The following ADARB2 variants were observed in gnomAD, a reference collection of about 807,000 sequenced individuals.
The protein encoded by ADARB2 is adenosine deaminase RNA specific B2 (inactive).
Under a neutral mutation model 62.2 loss-of-function variants are expected in ADARB2, and 25 were observed. The observed-to-expected ratio is 0.40, with a 90% CI of 0.29 to 0.56. ADARB2 has a LOEUF of 0.56. Among genes scored for constraint, ADARB2 ranks in the 20% least tolerant of loss-of-function variants. The probability of loss-of-function intolerance (pLI) is 0.43; values close to 1 mark genes in which losing one functional copy is unlikely to be tolerated. For missense variants in ADARB2, 1,071 were observed against 1,077.4 expected (o/e 0.99, Z 0.08); for synonymous variants, 572 against 500.8 (o/e 1.14, Z -1.90).
At chr10:1,494,063 A>C (rs868153629) in intron 1 of ADARB2, among the ~76,000 whole-genome samples, 2 of 152,250 alleles carry the variant, frequency 1.3e-5, no homozygotes, top group South Asian at 2.1e-4. Context: ...ATAATAGGGC[A>C]TTCTTATGCC....
At chr10:1,367,149 T>A (rs747302229) in intron 2 of ADARB2, among the ~76,000 whole-genome samples, 6 of 152,190 alleles carry the variant, frequency 3.9e-5, no homozygotes, top group African/African-American at 7.2e-5. Context: ...TTGCGAGGTA[T>A]CCTGACATTG....
chr10:1,230,978 A>T (rs1271373403), intron 6 of ADARB2, among the ~76,000 whole-genome samples: 1 of 152,204 alleles, frequency 6.6e-6, no homozygotes, highest in African/African-American at 2.4e-5. Context: ...GCCTCGGAGA[A>T]CGTATTTGTT....
chr10:1,579,689 A>G (rs1226438572), intron 1 of ADARB2, among the ~76,000 whole-genome samples: 1 of 152,260 alleles, frequency 6.6e-6, no homozygotes, highest in Non-Finnish European at 1.5e-5. Flanking sequence ...TAAATATGCT[A>G]GTTTATCATG....
At chr10:1,559,044 C>T (rs562833179) in intron 1 of ADARB2, among the ~76,000 whole-genome samples, 1 of 152,338 alleles carries the variant, frequency 6.6e-6, no homozygotes, top group Admixed American at 6.5e-5. Flanking sequence ...GTCTCTCAAT[C>T]GCATCCCCAG....
chr10:1,299,376 A>G (rs894350912), intron 3 of ADARB2, among the ~76,000 whole-genome samples: 3 of 152,144 alleles, frequency 2.0e-5, no homozygotes, highest in Non-Finnish European at 2.9e-5. Context: ...CTCACATGTC[A>G]GCAGGGGTGT....
chr10:1,658,244 A>C, intron 1 of ADARB2, among the ~76,000 whole-genome samples: 1 of 138,582 alleles, frequency 7.2e-6, no homozygotes, highest in South Asian at 2.3e-4. Flanking sequence ...CTCTCTCTGT[A>C]TGTCTCTCTG....
chr10:1,635,428 C>G (rs1218732976), intron 1 of ADARB2, among the ~76,000 whole-genome samples: 2 of 152,192 alleles, frequency 1.3e-5, no homozygotes, highest in Non-Finnish European at 2.9e-5. Flanking sequence ...GCCTTGAGAC[C>G]ACAGCGCTGT....
rs11250430 is a variant in ADARB2, at chr10:1,340,673, G to A, written c.1077+22355C>T. 7.6e-3 allele frequency among the ~76,000 whole-genome samples: 103 copies of A among 13,562 alleles called. 30 individuals carry two copies. Among genetic ancestry groups the A allele is most frequent in the East Asian group, 0.047 (5 of 106 alleles). 8.9% of individuals were successfully genotyped at this position (13,562 alleles called of 152,430 possible). On this transcript the variant is annotated intron_variant, in intron 3 of 9. Transcript: ENST00000381312. Reference sequence around the variant, plus strand: ...TAACCGGCATCCACCAGAGAACCACGTGCCCCACAGTGGCAATAACCGGCA... The same window carrying A: ...TAACCGGCATCCACCAGAGAACCACATGCCCCACAGTGGCAATAACCGGCA...
intron 1 of ADARB2, among the ~76,000 whole-genome samples, chr10:1,672,814 G>T (rs965925613): frequency 1.3e-4 from 19 of 141,248 alleles, no homozygotes; most frequent in Admixed American, 5.1e-4. Context: ...TCCACGTCTG[G>T]TTTTCCTGAT....
rs1235605973 is a variant in ADARB2, at chr10:1,668,904, GTTA to G, written c.100+68144_100+68146del. ...TCTGTGAGCTCCTGGTGGCAAAGGT[GTTA>G]TTATGTGTGACAGAGCCTGGTTAGG... On this transcript the variant is annotated intron_variant, in intron 1 of 9. Transcript: ENST00000381312. Among the ~76,000 whole-genome samples the G allele has an allele frequency of 7.9e-5, 12 of 152,318 alleles. No homozygotes were observed. In the East Asian group the frequency reaches 9.7e-4, roughly 12 times the overall value.
intron 1 of ADARB2, among the ~76,000 whole-genome samples, chr10:1,481,904 T>C (rs1195073379): frequency 6.6e-6 from 1 of 150,914 alleles, no homozygotes; most frequent in Non-Finnish European, 1.5e-5. Flanking sequence ...TCAACAACAC[T>C]TAACCCATCC....
At chr10:1,266,063 G>A (rs1427880208) in intron 4 of ADARB2, among the ~76,000 whole-genome samples, 1 of 139,802 alleles carries the variant, frequency 7.2e-6, no homozygotes, top group Non-Finnish European at 1.5e-5. Context: ...CCAGGTCCAC[G>A]CTCCCCCGGA....
chr10:1,603,090 T>A (rs1031418857), intron 1 of ADARB2, among the ~76,000 whole-genome samples: 1 of 133,056 alleles, frequency 7.5e-6, no homozygotes, highest in African/African-American at 2.7e-5. Context: ...TGTACACACA[T>A]ACACACATCA....
intron 2 of ADARB2, among the ~76,000 whole-genome samples, chr10:1,373,841 G>A (rs1459816000): frequency 6.6e-6 from 1 of 151,750 alleles, no homozygotes; most frequent in African/African-American, 2.4e-5. Flanking sequence ...CCTTCCTAGT[G>A]AAACCGCGTG....
rs2676188 is a variant in ADARB2 at position 1,497,051 on chromosome 10, C to T, written c.101-117891G>A. The stretch of plus-strand genomic sequence containing the variant: ...CCTCTAGCTGGACCTGTGACAGTGA[C>T]AGTGACCCTGTCACTGGCTTTTGAA... On this transcript the variant is annotated intron_variant, in intron 1 of 9. Coordinates refer to ENST00000381312, the MANE Select transcript of ADARB2 (RefSeq NM_018702.4). Among the ~76,000 whole-genome samples, 1,097 of 152,256 alleles carry T rather than the reference C, an allele frequency of 7.2e-3. 15 individuals are homozygous for T. The highest frequency in any genetic ancestry group is 0.025 in the African/African-American group (1,050 of 41,550).
intron 1 of ADARB2, among the ~76,000 whole-genome samples, chr10:1,620,671 G>T (rs1833694362): frequency 6.6e-6 from 1 of 152,118 alleles, no homozygotes; most frequent in African/African-American, 2.4e-5. Context: ...ATCACAAAAA[G>T]TATAGCCCAA....
At chr10:1,305,961 A>G (rs1375556410) in intron 3 of ADARB2, among the ~76,000 whole-genome samples, 2 of 152,238 alleles carry the variant, frequency 1.3e-5, no homozygotes, top group East Asian at 3.9e-4. Context: ...GAATGGGCAA[A>G]AACTGGAAGC....
At chr10:1,377,962 C>T (rs190547852) in intron 2 of ADARB2, among the ~76,000 whole-genome samples, 4 of 152,310 alleles carry the variant, frequency 2.6e-5, no homozygotes, top group East Asian at 1.9e-4. Context: ...CCTCCCACTG[C>T]CTCTTGTTGG....
In ADARB2 at chr10:1,608,722, A is replaced by G. The variant is rs1469260098; in HGVS notation, c.100+128329T>C. On this transcript the variant is annotated intron_variant, in intron 1 of 9. Coordinates refer to ENST00000381312, the MANE Select transcript of ADARB2 (RefSeq NM_018702.4). ...GAAAGAAAAAGGAAGGAAGGAAAGAAAAAAGTAAGAAAGAAAGAGAAGAAA... is the reference window on the plus strand; with the variant it reads ...GAAAGAAAAAGGAAGGAAGGAAAGAGAAAAGTAAGAAAGAAAGAGAAGAAA... Among the ~76,000 whole-genome samples, 3 of 148,480 alleles carry G rather than the reference A, an allele frequency of 2.0e-5. No homozygotes were observed. In the East Asian group the frequency reaches 6.0e-4, roughly 29 times the overall value.
Sources: allele counts gnomAD v4.1 joint callset (sites outside exome capture counted in the v4.1 genomes callset), GRCh38; gene constraint gnomAD v4.1.1; transcripts MANE v1.5; gene names NCBI Gene and HGNC (gene_info 2026-07-23, HGNC 2026-07-21).